The following KCMF1 variants were observed in gnomAD, a reference collection of about 807,000 sequenced individuals.
The protein encoded by KCMF1 is E3 ubiquitin-protein ligase KCMF1.
In KCMF1, 3 loss-of-function variants were observed where a neutral mutation model predicts 41.1. That is an observed-to-expected ratio of 0.07 (90% CI 0.03 to 0.19). KCMF1 has a LOEUF of 0.19. Ranked by LOEUF, KCMF1 falls within the 10% of genes least tolerant of loss-of-function variation. The probability of loss-of-function intolerance (pLI) is 1.00; values close to 1 mark genes in which losing one functional copy is unlikely to be tolerated. For missense variants in KCMF1, 286 were observed against 488.9 expected, an observed-to-expected ratio of 0.58 and a Z score of 3.91; for synonymous variants, 142 against 164.5, an observed-to-expected ratio of 0.86 and a Z score of 1.04.
intron 1 of KCMF1, among the ~76,000 whole-genome samples, chr2:85,023,978 A>G (rs1675019326): frequency 6.6e-6 from 1 of 152,138 alleles, no homozygotes; most frequent in Non-Finnish European, 1.5e-5. Context: ...GCATCTTTTC[A>G]TATGTTTACT....
chr2:84,987,342 T>G (rs1202772083), intron 1 of KCMF1, among the ~76,000 whole-genome samples: 1 of 152,200 alleles, frequency 6.6e-6, no homozygotes. Flanking sequence ...CCTGTGCCTG[T>G]AGCAGGGAGA....
At chr2:85,001,322 T>C (rs1408504531) in intron 1 of KCMF1, among the ~76,000 whole-genome samples, 1 of 151,798 alleles carries the variant, frequency 6.6e-6, no homozygotes, top group Admixed American at 6.6e-5. Context: ...CATGCCCAGC[T>C]AATTTTTGTA....
Position 85,027,962 on chromosome 2 carries a change from C to T in KCMF1, c.90C>T (p.Tyr30=), listed in dbSNP as rs745780943. The T allele has an allele frequency of 3.2e-5, 51 of 1,612,372 alleles. No homozygotes were observed. Among genetic ancestry groups the T allele is most frequent in the Non-Finnish European group, 4.2e-5 (50 of 1,178,780 alleles). ...RRYKCLICYD[Y]DLCASCYESG... is the part of the protein sequence containing the mutation. ...ATAAGTGTTTAATTTGCTACGATTA[C>T]GATCTTTGTGCATCTTGTTATGAAA... The change falls in exon 2 of 7, where the codon TAC becomes TAT. Residue 30 remains tyrosine, a synonymous_variant. Transcript: ENST00000409785.
At chr2:84,988,473 G>C (rs1294148906) in intron 1 of KCMF1, among the ~76,000 whole-genome samples, 1 of 152,140 alleles carries the variant, frequency 6.6e-6, no homozygotes, top group Non-Finnish European at 1.5e-5. Flanking sequence ...AATGCACTGA[G>C]AAGTTAAGTA....
At chr2:85,025,810 T>C (rs1314082760) in intron 1 of KCMF1, among the ~76,000 whole-genome samples, 2 of 151,998 alleles carry the variant, frequency 1.3e-5, no homozygotes, top group African/African-American at 4.8e-5. Flanking sequence ...TTTAATAATA[T>C]GTTTTTCTGT....
chr2:85,005,730 C>T (rs1674455470), intron 1 of KCMF1, among the ~76,000 whole-genome samples: 1 of 152,068 alleles, frequency 6.6e-6, no homozygotes, highest in Non-Finnish European at 1.5e-5. Flanking sequence ...AGGATGTTCT[C>T]AAACCCTGGC....
chr2:84,971,973 C>G (rs1673408673), intron 1 of KCMF1: 2 of 152,192 alleles, frequency 1.3e-5, no homozygotes, highest in South Asian at 4.1e-4. Context: ...CGAGTGTCCC[C>G]GCCTGCGGGC....
rs1162150824 is a variant in KCMF1, at chr2:85,055,871, T to A, written c.*2462T>A. 2 of 152,302 alleles carry A rather than the reference T, an allele frequency of 1.3e-5. No individual in the cohort carries two copies. Among genetic ancestry groups the A allele is most frequent in the African/African-American group, 2.4e-5 (1 of 41,570 alleles). 9.4% of individuals were successfully genotyped at this position (152,302 alleles called of 1,614,324 possible). ...AGGACCAGATCCTGAATTTTGAGAA[T>A]TTTTTGTTTCGTTGAGTTTTGAGTG... is the stretch of plus-strand genomic sequence containing the variant. On this transcript the variant is annotated 3_prime_UTR_variant, in exon 7 of 7. Transcript: ENST00000409785.
At chr2:84,980,426 A>T (rs1673701789) in intron 1 of KCMF1, among the ~76,000 whole-genome samples, 1 of 152,124 alleles carries the variant, frequency 6.6e-6, no homozygotes, top group Non-Finnish European at 1.5e-5. Flanking sequence ...CAGGAAGTGA[A>T]AACACTGCCC....
intron 1 of KCMF1, among the ~76,000 whole-genome samples, chr2:85,016,718 A>C (rs1674778043): frequency 6.8e-6 from 1 of 147,112 alleles, no homozygotes; most frequent in African/African-American, 2.5e-5. Flanking sequence ...TTTGAGACAG[A>C]GTCTCGCTTT....
chr2:84,993,338 A>C (rs1027332072), intron 1 of KCMF1, among the ~76,000 whole-genome samples: 2 of 152,216 alleles, frequency 1.3e-5, no homozygotes, highest in Admixed American at 1.3e-4. Flanking sequence ...AGAGGAGCTC[A>C]TCACGACTGA....
intron 1 of KCMF1, among the ~76,000 whole-genome samples, 152 bp downstream of exon 1, chr2:84,971,619 G>A (rs1189250948): frequency 2.0e-5 from 3 of 150,612 alleles, no homozygotes; most frequent in African/African-American, 4.9e-5. Context: ...AGCGAGCGAG[G>A]GCGGAGAGCC....
chr2:84,974,774 T>A (rs1673503297), intron 1 of KCMF1, among the ~76,000 whole-genome samples: 1 of 138,868 alleles, frequency 7.2e-6, no homozygotes, highest in Non-Finnish European at 1.5e-5. Flanking sequence ...GGCGTGATCT[T>A]GGCTCACTGC....
chr2:85,033,138 C>G (rs973786171), intron 2 of KCMF1, among the ~76,000 whole-genome samples: 7 of 152,198 alleles, frequency 4.6e-5, no homozygotes, highest in African/African-American at 7.2e-5. Flanking sequence ...TCTTGTGCAC[C>G]TAATAAATGG....
chr2:84,977,761 G>A (rs1266838503), intron 1 of KCMF1, among the ~76,000 whole-genome samples: 1 of 151,938 alleles, frequency 6.6e-6, no homozygotes, highest in Non-Finnish European at 1.5e-5. Context: ...CATTTACCTT[G>A]ACTTTCAATA....
At chr2:84,988,528 C>A (rs2103974255) in intron 1 of KCMF1, among the ~76,000 whole-genome samples, 1 of 152,272 alleles carries the variant, frequency 6.6e-6, no homozygotes, top group South Asian at 2.1e-4. Context: ...GGAATTCAAA[C>A]CTGGGTTTGG....
chr2:85,045,581 A>G (rs549149798), intron 4 of KCMF1, among the ~76,000 whole-genome samples: 3 of 152,160 alleles, frequency 2.0e-5, no homozygotes, highest in Admixed American at 1.3e-4. Context: ...TTTGACAGCT[A>G]TTTGCAACTC....
At chr2:85,026,283 G>A (rs1485009467) in intron 1 of KCMF1, among the ~76,000 whole-genome samples, 1 of 151,398 alleles carries the variant, frequency 6.6e-6, no homozygotes, top group African/African-American at 2.4e-5. Context: ...GAGCCACTGC[G>A]CCTGGCATAT....
intron 1 of KCMF1, among the ~76,000 whole-genome samples, chr2:85,025,323 T>TA (rs1558579796): frequency 6.6e-6 from 1 of 152,222 alleles, no homozygotes; most frequent in African/African-American, 2.4e-5. Flanking sequence ...GGCACTTTTT[T>TA]AAAATGCTGT....
Sources: allele counts gnomAD v4.1 joint callset (sites outside exome capture counted in the v4.1 genomes callset), GRCh38; gene constraint gnomAD v4.1.1; transcripts MANE v1.5; gene names NCBI Gene and HGNC (gene_info 2026-07-23, HGNC 2026-07-21).